Variants in GJC1 observed in about 807,000 individuals in gnomAD.
The protein encoded by GJC1 is gap junction protein gamma 1.
Under a neutral mutation model 29.3 loss-of-function variants are expected in GJC1, and 5 were observed. That is an observed-to-expected ratio of 0.17 (90% CI 0.09 to 0.36). The LOEUF is 0.36. GJC1 is among the 10% of genes least tolerant of loss of function. GJC1 has a pLI of 1.00. For synonymous variants in GJC1, 177 were observed against 183.3 expected (o/e 0.97, Z 0.28); for missense variants, 310 against 496.2 (o/e 0.62, Z 3.56).
chr17:44,816,382 C>T (rs185923449), intron 1 of GJC1, among the ~76,000 whole-genome samples: 1 of 152,274 alleles, frequency 6.6e-6, no homozygotes, highest in Admixed American at 6.5e-5. Flanking sequence ...CTGGCATCAA[C>T]ATGGTAATAA....
At chr17:44,829,699 C>A (rs2050210007) in intron 1 of GJC1, 1 of 152,110 alleles carries the variant, frequency 6.6e-6, no homozygotes, top group South Asian at 2.1e-4. Flanking sequence ...GTTGTCGGCA[C>A]CGCCGGGGCG....
rs2049878346 is a variant in GJC1, at chr17:44,803,639, T to C, written c.*988A>G. 1 of 152,226 alleles carries C rather than the reference T, an allele frequency of 6.6e-6. No homozygotes were observed. Among genetic ancestry groups the C allele is most frequent in the African/African-American group, 2.4e-5 (1 of 41,462 alleles). The allele number at this position is 152,226 out of a possible 1,614,324, so 9.4% of individuals were successfully genotyped here. The stretch of plus-strand genomic sequence containing the variant: ...CAAGGGAATGTTTGCATTTCTAATG[T>C]TAACAAAGAAAATATCCACCACTGG... On this transcript the variant is annotated 3_prime_UTR_variant, in exon 3 of 3. Coordinates refer to ENST00000592524, the MANE Select transcript of GJC1 (RefSeq NM_005497.4).
intron 1 of GJC1, among the ~76,000 whole-genome samples, chr17:44,811,814 G>C (rs1023477031): frequency 6.6e-6 from 1 of 151,936 alleles, no homozygotes; most frequent in African/African-American, 2.4e-5. Flanking sequence ...GACTGGCCTA[G>C]CTAACATGGT....
At chr17:44,814,052 A>G (rs1367817518) in intron 1 of GJC1, among the ~76,000 whole-genome samples, 1 of 152,148 alleles carries the variant, frequency 6.6e-6, no homozygotes, top group South Asian at 2.1e-4. Context: ...TGGAATTAAC[A>G]TTTCTAAGCA....
intron 1 of GJC1, among the ~76,000 whole-genome samples, chr17:44,819,843 C>T (rs937193968): frequency 1.3e-5 from 2 of 151,850 alleles, no homozygotes; most frequent in Non-Finnish European, 2.9e-5. Context: ...CTGTTATGAA[C>T]GTGGGTGTAC....
At position 44,827,680 on chromosome 17, in the gene GJC1, CCCA is replaced by C. The variant is rs1214993322; in HGVS notation, c.-97+2379_-97+2381del. Among the ~76,000 whole-genome samples the C allele has an allele frequency of 2.2e-3, 330 of 152,060 alleles. 1 individual carries two copies. Among genetic ancestry groups the C allele is most frequent in the African/African-American group, 7.4e-3 (309 of 41,498 alleles). On this transcript the variant is annotated intron_variant, in intron 1 of 2. Coordinates refer to ENST00000592524, the MANE Select transcript of GJC1 (RefSeq NM_005497.4). ...GGGCACGGTGGCTCACGCCTGTAATCCCAGCACTCTGGGAGGCCGAGGCGGGAG... is the reference window on the plus strand; with the variant it reads ...GGGCACGGTGGCTCACGCCTGTAATCGCACTCTGGGAGGCCGAGGCGGGAG...
rs997845649 is a variant in GJC1 at position 44,830,236 on chromosome 17, TGCC to T, written c.-274_-272del. On this transcript the variant is annotated 5_prime_UTR_variant, in exon 1 of 3. Transcript: ENST00000592524. The surrounding 1 kb of genome is among the most constrained non-coding windows in gnomAD (Gnocchi z 4.3). ...CCGAGGCAGAAGCCGCTCCCGCCGC[TGCC>T]GCCGCCGCCGCCGCCTCCCGCTCCC... 71 of 160,396 alleles carry T rather than the reference TGCC, an allele frequency of 4.4e-4. No individual in the cohort carries two copies. The highest frequency in any genetic ancestry group is 1.0e-3 in the South Asian group (6 of 5,812). 9.9% of individuals were successfully genotyped at this position (160,396 alleles called of 1,614,324 possible).
intron 1 of GJC1, among the ~76,000 whole-genome samples, chr17:44,808,258 A>G (rs942919827): frequency 3.3e-5 from 5 of 152,092 alleles, no homozygotes; most frequent in African/African-American, 1.2e-4. Flanking sequence ...TTTCCAAAGG[A>G]ACAATGGAAA....
intron 1 of GJC1, among the ~76,000 whole-genome samples, chr17:44,822,258 G>A (rs1420401676): frequency 1.3e-5 from 2 of 150,396 alleles, no homozygotes; most frequent in Non-Finnish European, 3.0e-5. Flanking sequence ...CCTCCATAAT[G>A]GAATATTGTA....
intron 1 of GJC1, among the ~76,000 whole-genome samples, chr17:44,818,928 C>A (rs979827673): frequency 6.6e-6 from 1 of 151,858 alleles, no homozygotes; most frequent in Admixed American, 6.6e-5. Context: ...GACAACATGG[C>A]GAGACCCCGT....
At chr17:44,824,718 G>A (rs982317083) in intron 1 of GJC1, among the ~76,000 whole-genome samples, 11 of 151,438 alleles carry the variant, frequency 7.3e-5, no homozygotes, top group Non-Finnish European at 1.3e-4. Context: ...GCTGAGGCAG[G>A]AGAATTGCTT....
At chr17:44,827,664 G>A (rs1280388726) in intron 1 of GJC1, among the ~76,000 whole-genome samples, 1 of 152,024 alleles carries the variant, frequency 6.6e-6, no homozygotes, top group East Asian at 1.9e-4. Context: ...CGGGCACGGT[G>A]GCTCACGCCT....
chr17:44,806,190 T>A (rs988279376), intron 2 of GJC1, among the ~76,000 whole-genome samples: 9 of 152,026 alleles, frequency 5.9e-5, no homozygotes, highest in African/African-American at 2.2e-4. Flanking sequence ...GGAGAATTGC[T>A]TGAACAGAGC....
At chr17:44,813,484 CTTTTTTTTTTTTTTTT>C (rs35299072) in intron 1 of GJC1, among the ~76,000 whole-genome samples, 1 of 80,504 alleles carries the variant, frequency 1.2e-5, no homozygotes, top group Non-Finnish European at 2.3e-5. Flanking sequence ...TTCCAAGTTA[CTTTTTTTTTTTTTTTT>C]TTTTTTTTTG....
At chr17:44,822,643 CAAAAAAAAAAA>C (rs11423012) in intron 1 of GJC1, among the ~76,000 whole-genome samples, 2 of 80,268 alleles carry the variant, frequency 2.5e-5, no homozygotes, top group Non-Finnish European at 4.5e-5. Context: ...AACTCCATCT[CAAAAAAAAAAA>C]AAAAAAAAAA....
intron 1 of GJC1, among the ~76,000 whole-genome samples, chr17:44,827,005 C>A (rs897816573): frequency 3.9e-5 from 6 of 152,088 alleles, no homozygotes; most frequent in African/African-American, 1.4e-4. Flanking sequence ...CTCAAAGGAA[C>A]GGTCTTACAA....
chr17:44,804,579 G>T lies in GJC1; in HGVS notation c.*48C>A. ...AATGGAAGTCATTATTCAGTGAGCTGCTGCTTACCATAAACTATGAAAAGC... is the reference window on the plus strand; with the variant it reads ...AATGGAAGTCATTATTCAGTGAGCTTCTGCTTACCATAAACTATGAAAAGC... On this transcript the variant is annotated 3_prime_UTR_variant, in exon 3 of 3. Transcript: ENST00000592524. The T allele has an allele frequency of 7.4e-7, 1 of 1,358,468 alleles. No individual in the cohort carries two copies. Among genetic ancestry groups the T allele is most frequent in the Non-Finnish European group, 1.0e-6 (1 of 971,228 alleles). 84.2% of individuals were successfully genotyped at this position (1,358,468 alleles called of 1,614,324 possible).
chr17:44,818,311 A>T (rs920379500), intron 1 of GJC1, among the ~76,000 whole-genome samples: 9 of 152,250 alleles, frequency 5.9e-5, no homozygotes, highest in Non-Finnish European at 1.2e-4. Context: ...ATGAAAGTTT[A>T]AAAGTAAAAT....
At chr17:44,827,302 C>T (rs1478758859) in intron 1 of GJC1, among the ~76,000 whole-genome samples, 1 of 151,984 alleles carries the variant, frequency 6.6e-6, no homozygotes, top group East Asian at 1.9e-4. Context: ...CCATTGCACT[C>T]CAGCCTGGGC....
Sources: allele counts gnomAD v4.1 joint callset (sites outside exome capture counted in the v4.1 genomes callset), GRCh38; gene constraint gnomAD v4.1.1; non-coding constraint Gnocchi (gnomAD v3.1); transcripts MANE v1.5; gene names NCBI Gene and HGNC (gene_info 2026-07-23, HGNC 2026-07-21).